The following CEMIP2 variants were observed in gnomAD, a reference collection of about 807,000 sequenced individuals.
CEMIP2 encodes the protein cell migration inducing hyaluronidase 2.
In CEMIP2, 79 loss-of-function variants were observed where a neutral mutation model predicts 146.9. That is an observed-to-expected ratio of 0.54 (90% CI 0.45 to 0.65). The LOEUF (loss-of-function observed/expected upper bound fraction) is 0.65, where lower values mean the gene tolerates loss of function less well. Among genes scored for constraint, CEMIP2 ranks in the 30% least tolerant of loss-of-function variants. The pLI is 0.00. For missense variants in CEMIP2, 1,596 were observed against 1,696.2 expected (o/e 0.94, Z 1.04); for synonymous variants, 601 against 606.3 (o/e 0.99, Z 0.13).
chr9:71,700,519 AAG>A, intron 19 of CEMIP2, 121 bp downstream of exon 19: 2 of 337,416 alleles, frequency 5.9e-6, no homozygotes, highest in Non-Finnish European at 8.5e-6. Flanking sequence ...TCTAATAGAG[AAG>A]ATGTGCAGAG....
At position 71,740,246 on chromosome 9, in the gene CEMIP2, G is replaced by C; in HGVS notation, c.1035-14C>G. ...GCCCAAGCTTGCCTAGAAGGAAAAA[G>C]AGCATGTGCATTTGATTACTTGTCA... On this transcript the variant is annotated splice_polypyrimidine_tract_variant and intron_variant, in intron 4 of 23. Transcript: ENST00000377044. The C allele has an allele frequency of 6.2e-7, 1 of 1,610,732 alleles. No homozygotes were observed. Among genetic ancestry groups the C allele is most frequent in the Non-Finnish European group, 8.5e-7 (1 of 1,179,494 alleles).
intron 11 of CEMIP2, 72 bp from the exon 12 acceptor site, chr9:71,722,587 A>G (rs1823265708): frequency 1.6e-6 from 2 of 1,256,780 alleles, no homozygotes; most frequent in East Asian, 4.8e-5. Flanking sequence ...ATGATTCATG[A>G]AAATAGATTT....
intron 15 of CEMIP2, among the ~76,000 whole-genome samples, chr9:71,712,819 C>A (rs1175879896): frequency 6.6e-6 from 1 of 152,174 alleles, no homozygotes; most frequent in Non-Finnish European, 1.5e-5. Flanking sequence ...CATTTTCCCC[C>A]TTTCTGTTCA....
intron 19 of CEMIP2, 94 bp from the exon 20 acceptor site, chr9:71,698,298 T>A: frequency 2.0e-6 from 2 of 990,390 alleles, no homozygotes; most frequent in Non-Finnish European, 1.5e-6. Flanking sequence ...GGGATATTCC[T>A]CCAATTAGTA....
upstream of CEMIP2, among the ~76,000 whole-genome samples, chr9:71,769,106 C>G (rs1399390760): frequency 6.6e-6 from 1 of 152,164 alleles, no homozygotes; most frequent in East Asian, 1.9e-4. Flanking sequence ...AGCCAGCGCC[C>G]CCCGCTGCGG....
chr9:71,714,546 A>G (rs1822994975), intron 15 of CEMIP2, among the ~76,000 whole-genome samples: 2 of 152,266 alleles, frequency 1.3e-5, no homozygotes, highest in East Asian at 1.9e-4. Context: ...CTGAAAACCA[A>G]CAACACACAT....
intron 15 of CEMIP2, among the ~76,000 whole-genome samples, chr9:71,713,214 G>A (rs1449847654): frequency 6.6e-6 from 1 of 152,100 alleles, no homozygotes; most frequent in Non-Finnish European, 1.5e-5. Flanking sequence ...GACTGAATCG[G>A]GGGCGGGTCT....
chr9:71,755,186 CTTT>C (rs34989743), intron 1 of CEMIP2, among the ~76,000 whole-genome samples: 21 of 127,760 alleles, frequency 1.6e-4, no homozygotes, highest in African/African-American at 1.2e-4. Context: ...GGAAATCATG[CTTT>C]TTTTTTTTTT....
Position 71,732,481 on chromosome 9 carries a change from C to T in CEMIP2, c.1433G>A (p.Gly478Asp). ...QFLHMGEIID[G>D]VDMRAEVGIL... ...TCCAACCTCAGCTCTCATGTCTACACCGTCTATGATCTCACCCATGTGCAG... is the reference window on the plus strand; with the variant it reads ...TCCAACCTCAGCTCTCATGTCTACATCGTCTATGATCTCACCCATGTGCAG... Residue 478 changes from glycine to aspartate, a missense_variant, in exon 7 of 24, where the codon GGT becomes GAT. Coordinates refer to ENST00000377044, the MANE Select transcript of CEMIP2 (RefSeq NM_013390.3). 9 of 1,613,702 alleles carry T rather than the reference C, an allele frequency of 5.6e-6. No individual in the cohort carries two copies. Among genetic ancestry groups the T allele is most frequent in the Non-Finnish European group, 7.6e-6 (9 of 1,179,954 alleles).
At chr9:71,732,801 G>A (rs936134704) in intron 6 of CEMIP2, among the ~76,000 whole-genome samples, 2 of 139,376 alleles carry the variant, frequency 1.4e-5, no homozygotes, top group African/African-American at 5.3e-5. Flanking sequence ...CCGCCTCCCG[G>A]GTTCATGCCA....
At chr9:71,749,711 G>T (rs528277293) in intron 2 of CEMIP2, among the ~76,000 whole-genome samples, 1 of 149,256 alleles carries the variant, frequency 6.7e-6, no homozygotes, top group Non-Finnish European at 1.5e-5. Context: ...CTCAAAAAAA[G>T]AAAAAAAGAA....
chr9:71,712,223 G>A lies in CEMIP2; in HGVS notation c.2629C>T (p.Pro877Ser). 6.2e-7 allele frequency: 1 copy of A among 1,614,130 alleles called. No individual in the cohort carries two copies. Among genetic ancestry groups the A allele is most frequent in the Non-Finnish European group, 8.5e-7 (1 of 1,180,002 alleles). ...AAAGTGCTCCTTGTGAGATGAATGGGCCCATCATAAATCTGAAAGCCTCTA... is the reference window on the plus strand; with the variant it reads ...AAAGTGCTCCTTGTGAGATGAATGGACCCATCATAAATCTGAAAGCCTCTA... ...PIRGFQIYDG[P>S]IHLTRSTFKK... is the part of the protein sequence containing the mutation. The change falls in exon 16 of 24, where the codon CCC (proline) becomes TCC (serine). Residue 877 changes from proline (P) to serine (S), a missense_variant. By Grantham distance (74) the Pro-to-Ser change is moderately conservative (BLOSUM62 -1). Transcript: ENST00000377044.
chr9:71,717,880 G>T, intron 13 of CEMIP2, 68 bp downstream of exon 13: 2 of 1,454,324 alleles, frequency 1.4e-6, no homozygotes, highest in Non-Finnish European at 1.9e-6. Context: ...CATGCTACTG[G>T]CTTTAAAAAA....
At chr9:71,703,948 G>A (rs1432894470) in intron 18 of CEMIP2, among the ~76,000 whole-genome samples, 1 of 152,122 alleles carries the variant, frequency 6.6e-6, no homozygotes, top group African/African-American at 2.4e-5. Context: ...CTATCTACTT[G>A]AGTTTTTTCT....
Position 71,755,186 on chromosome 9 carries a change from C to CTTT in CEMIP2, c.-12-4804_-12-4802dup, listed in dbSNP as rs34989743. On this transcript the variant is annotated intron_variant, in intron 1 of 23. Coordinates refer to ENST00000377044, the MANE Select transcript of CEMIP2 (RefSeq NM_013390.3). ...TTCAATAACATTAAAGGAAATCATG[C>CTTT]TTTTTTTTTTTTTTTTTTACCTATA... Among the ~76,000 whole-genome samples, 627 of 127,804 alleles carry CTTT rather than the reference C, an allele frequency of 4.9e-3. 15 individuals are homozygous for CTTT. Among genetic ancestry groups the CTTT allele is most frequent in the African/African-American group, 0.016 (570 of 34,620 alleles). The allele number at this position is 127,804 out of a possible 152,430, so 83.8% of individuals were successfully genotyped here.
rs1327972687 is a variant in CEMIP2 at position 71,762,041 on chromosome 9, GA to G, written c.-13+6315del. On this transcript the variant is annotated intron_variant, in intron 1 of 23. Transcript: ENST00000377044. ...GCCCAATAGTGACTAAAAAGTATGG[GA>G]GGGAGGGGAGGGTGACACACTACAG... Among the ~76,000 whole-genome samples, 545 of 122,992 alleles carry G rather than the reference GA, an allele frequency of 4.4e-3. 5 individuals carry two copies. Among genetic ancestry groups the G allele is most frequent in the Admixed American group, 8.4e-3 (107 of 12,672 alleles). 80.7% of individuals were successfully genotyped at this position (122,992 alleles called of 152,430 possible). A position where few individuals can be genotyped will look rare whatever the true frequency, so the allele number is the denominator to read the frequency against.
At chr9:71,755,158 G>T (rs1403597300) in intron 1 of CEMIP2, among the ~76,000 whole-genome samples, 1 of 146,246 alleles carries the variant, frequency 6.8e-6, no homozygotes, top group Non-Finnish European at 1.5e-5. Context: ...ATTATTTTGA[G>T]ATTTCAATAA....
intron 16 of CEMIP2, among the ~76,000 whole-genome samples, chr9:71,710,049 G>T (rs538814640): frequency 6.6e-6 from 1 of 152,144 alleles, no homozygotes; most frequent in Non-Finnish European, 1.5e-5. Context: ...CACAATTTAA[G>T]TGTTGACTTA....
At chr9:71,701,249 G>C (rs561885809) in intron 18 of CEMIP2, among the ~76,000 whole-genome samples, 2 of 152,060 alleles carry the variant, frequency 1.3e-5, no homozygotes, top group African/African-American at 2.4e-5. Context: ...GGGATTACAG[G>C]GGCACAACAC....
Sources: allele counts gnomAD v4.1 joint callset (sites outside exome capture counted in the v4.1 genomes callset), GRCh38; gene constraint gnomAD v4.1.1; transcripts MANE v1.5; gene names NCBI Gene and HGNC (gene_info 2026-07-23, HGNC 2026-07-21).